Variants in SLC12A7 observed in about 807,000 individuals in gnomAD.
SLC12A7 encodes solute carrier family 12 member 7.
Under a neutral mutation model 120.6 loss-of-function variants are expected in SLC12A7, and 100 were observed. The ratio of observed to expected loss-of-function variants is 0.83; its 90% CI spans 0.71 to 0.98. The LOEUF (loss-of-function observed/expected upper bound fraction) is 0.98, where lower values mean the gene tolerates loss of function less well. Ranked by LOEUF, SLC12A7 falls within the 50% of genes least tolerant of loss-of-function variation. The pLI is 0.00. For synonymous variants in SLC12A7, 760 were observed against 678.0 expected, an observed-to-expected ratio of 1.12 and a Z score of -1.88; for missense variants, 1,373 against 1,548.1, an observed-to-expected ratio of 0.89 and a Z score of 1.90.
rs1052414505 is a variant in SLC12A7 at position 1,050,788 on chromosome 5, GC to G, written c.*1571del. ...AGGCAGAGGCTGTGGGAACTGCTGA[GC>G]CCCGCTGTGATGTCTGGGACACGCT... On this transcript the variant is annotated 3_prime_UTR_variant, in exon 24 of 24. Coordinates refer to ENST00000264930, the MANE Select transcript of SLC12A7 (RefSeq NM_006598.3). 16 of 398,520 alleles carry G rather than the reference GC, an allele frequency of 4.0e-5. 1 individual carries two copies. Among genetic ancestry groups the G allele is most frequent in the African/African-American group, 3.1e-4 (15 of 48,752 alleles). 24.7% of individuals were successfully genotyped at this position (398,520 alleles called of 1,614,324 possible). A position where few individuals can be genotyped will look rare whatever the true frequency, so the allele number is the denominator to read the frequency against.
At chr5:1,062,704 ACTGGGGGACTGGGGGGCTGCGGGG>A (rs924917844) in intron 20 of SLC12A7, among the ~76,000 whole-genome samples, 11 of 10,824 alleles carry the variant, frequency 1.0e-3, no homozygotes, top group Non-Finnish European at 8.6e-3. Context: ...GGACTGAGGG[ACTGGGGGACTGGGGGGCTGCGGGG>A]CTGGAGAGAC....
intron 1 of SLC12A7, among the ~76,000 whole-genome samples, chr5:1,100,064 C>T (rs865978815): frequency 6.6e-5 from 10 of 152,226 alleles, no homozygotes; most frequent in Non-Finnish European, 7.3e-5. Context: ...TCAACCCTCT[C>T]CTCCTACCCG....
chr5:1,091,976 G>C (rs1465809881), intron 3 of SLC12A7, among the ~76,000 whole-genome samples: 1 of 152,180 alleles, frequency 6.6e-6, no homozygotes, highest in African/African-American at 2.4e-5. Context: ...AGGGGAACCA[G>C]AAAGAGGTCC....
In SLC12A7 at chr5:1,081,755, AG is replaced by A; in HGVS notation, c.1130-12del. 1 of 1,607,120 alleles carries A rather than the reference AG, an allele frequency of 6.2e-7. No homozygotes were observed. Among genetic ancestry groups the A allele is most frequent in the East Asian group, 2.2e-5 (1 of 44,696 alleles). ...TACTCCACAGGTTCTCTGCCGGGCA[AG>A]GAAGATCCCATGGGTTTCTGGCACC... On this transcript the variant is annotated splice_polypyrimidine_tract_variant and intron_variant, in intron 8 of 23. Coordinates refer to ENST00000264930, the MANE Select transcript of SLC12A7 (RefSeq NM_006598.3).
At chr5:1,109,313 G>C (rs923104077) in intron 1 of SLC12A7, among the ~76,000 whole-genome samples, 2 of 152,154 alleles carry the variant, frequency 1.3e-5, no homozygotes, top group African/African-American at 2.4e-5. Context: ...GCTCCCCCAA[G>C]TCAGTTACAA....
intron 17 of SLC12A7, among the ~76,000 whole-genome samples, chr5:1,068,653 G>C (rs1737305038): frequency 6.6e-6 from 1 of 152,232 alleles, no homozygotes; most frequent in Non-Finnish European, 1.5e-5. Context: ...GCGGGGGCAG[G>C]GTGCGCTCGT....
Position 1,079,461 on chromosome 5 carries a change from T to A in SLC12A7, c.1333A>T (p.Lys445Ter). Residue 445 changes from lysine to a stop codon, truncating the protein, a stop_gained, in exon 10 of 24, where the codon AAG (lysine) becomes TAG (stop). Transcript: ENST00000264930. LOFTEE classifies it high-confidence loss of function. ...MAGSNRSGDL[K>*]DAQKSIPTGT... is the part of the protein sequence containing the mutation. The stretch of plus-strand genomic sequence containing the variant: ...GTGGGGATGGACTTCTGTGCATCCT[T>A]GAGGTCCCCGGACCGGTTTGAACCC... 1 of 1,612,774 alleles carries A rather than the reference T, an allele frequency of 6.2e-7. No homozygotes were observed. The highest frequency in any genetic ancestry group is 8.5e-7 in the Non-Finnish European group (1 of 1,179,880).
chr5:1,134,265 T>A, the SLC12A7 span, among the ~76,000 whole-genome samples: 1 of 151,838 alleles, frequency 6.6e-6, no homozygotes, highest in African/African-American at 2.4e-5. Context: ...AGGTCAGGAG[T>A]TCGAGACCAG....
At chr5:1,063,648 TCCACCC>T (rs1736560386) in intron 20 of SLC12A7, among the ~76,000 whole-genome samples, 190 bp downstream of exon 20, 1 of 4,148 alleles carries the variant, frequency 2.4e-4, no homozygotes, top group Non-Finnish European at 4.5e-4. Context: ...GATCTCCCCC[TCCACCC>T]CCACCTCACG....
At chr5:1,062,427 T>C (rs1163651171) in intron 20 of SLC12A7, among the ~76,000 whole-genome samples, 1 of 152,146 alleles carries the variant, frequency 6.6e-6, no homozygotes, top group Non-Finnish European at 1.5e-5. Context: ...CACAGCCACA[T>C]GGAAACTAAG....
intron 1 of SLC12A7, among the ~76,000 whole-genome samples, chr5:1,111,413 G>A (rs2150914932): frequency 6.6e-6 from 1 of 152,244 alleles, no homozygotes; most frequent in South Asian, 2.1e-4. Context: ...TCAGGCGGGG[G>A]CAGGACGGGC....
Position 1,051,901 on chromosome 5 carries a change from G to A in SLC12A7, c.*459C>T, listed in dbSNP as rs577312189. On this transcript the variant is annotated 3_prime_UTR_variant, in exon 24 of 24. Coordinates refer to ENST00000264930, the MANE Select transcript of SLC12A7 (RefSeq NM_006598.3). ...CTCGGAGGTGACCGGGGCCCTGAGC[G>A]GAGCCATGGCCAGGGCTGACGTTTC... 8 of 172,612 alleles carry A rather than the reference G, an allele frequency of 4.6e-5. No homozygotes were observed. Among genetic ancestry groups the A allele is most frequent in the East Asian group, 1.8e-4 (1 of 5,714 alleles). 10.7% of individuals were successfully genotyped at this position (172,612 alleles called of 1,614,324 possible).
intron 12 of SLC12A7, 25 bp downstream of exon 12, chr5:1,077,808 C>T: frequency 6.5e-7 from 1 of 1,544,738 alleles, no homozygotes; most frequent in East Asian, 2.4e-5. Flanking sequence ...TTCCAGGGTC[C>T]CCCCGACGAG....
chr5:1,086,772 C>T (rs1579394789), intron 6 of SLC12A7, 131 bp downstream of exon 6: 2 of 1,279,862 alleles, frequency 1.6e-6, no homozygotes, highest in East Asian at 2.4e-5. Context: ...CAGGAGAGCC[C>T]AGGGGCAGCC....
At chr5:1,154,274 C>G in the SLC12A7 span, among the ~76,000 whole-genome samples, 1 of 151,536 alleles carries the variant, frequency 6.6e-6, no homozygotes, top group Non-Finnish European at 1.5e-5. Flanking sequence ...GGCACTGAGC[C>G]GAATCCAACT....
At chr5:1,136,399 C>A in the SLC12A7 span, among the ~76,000 whole-genome samples, 5 of 148,088 alleles carry the variant, frequency 3.4e-5, no homozygotes, top group Admixed American at 6.7e-5. Context: ...TGTGCTCAGA[C>A]ACCAACACCA....
chr5:1,104,373 C>T (rs555671453), intron 1 of SLC12A7, among the ~76,000 whole-genome samples: 1 of 152,344 alleles, frequency 6.6e-6, no homozygotes, highest in South Asian at 2.1e-4. Context: ...AGGTGGACAT[C>T]CCCTGTGCAC....
At chr5:1,091,024 T>C (rs1740438923) in intron 3 of SLC12A7, among the ~76,000 whole-genome samples, 2 of 151,616 alleles carry the variant, frequency 1.3e-5, no homozygotes, top group Admixed American at 1.3e-4. Context: ...GCCGAAGGAG[T>C]CACTGCCAAC....
At chr5:1,153,227 C>A in the SLC12A7 span, among the ~76,000 whole-genome samples, 1 of 108,312 alleles carries the variant, frequency 9.2e-6, no homozygotes, top group Admixed American at 1.1e-4. Flanking sequence ...AGTCCCTGGG[C>A]GGTCCAGCCC....
Sources: allele counts gnomAD v4.1 joint callset (sites outside exome capture counted in the v4.1 genomes callset), GRCh38; gene constraint gnomAD v4.1.1; transcripts MANE v1.5; gene names NCBI Gene and HGNC (gene_info 2026-07-23, HGNC 2026-07-21).